LCLAT1: variants seen among roughly 807,000 people sequenced by gnomAD.
LCLAT1 encodes the protein 1-AGP acyltransferase 8.
LCLAT1 carries 11 observed loss-of-function variants against 30.7 expected under a neutral mutation model. The ratio of observed to expected loss-of-function variants is 0.36; its 90% CI spans 0.23 to 0.59. The LOEUF is 0.59. Among genes scored for constraint, LCLAT1 ranks in the 20% least tolerant of loss-of-function variants. The pLI, the probability that LCLAT1 is intolerant of heterozygous loss-of-function variation, is 0.77. For missense variants in LCLAT1, 402 were observed against 458.6 expected, an observed-to-expected ratio of 0.88 and a Z score of 1.13; for synonymous variants, 155 against 151.3, an observed-to-expected ratio of 1.02 and a Z score of -0.18.
chr2:30,629,479 G>C (rs896066674), intron 5 of LCLAT1, among the ~76,000 whole-genome samples: 2 of 152,174 alleles, frequency 1.3e-5, no homozygotes, highest in African/African-American at 4.8e-5. Context: ...AGAATCGCTT[G>C]AACCCGGGAA....
chr2:30,455,019 A>G (rs2148260957), intron 1 of LCLAT1, among the ~76,000 whole-genome samples: 1 of 152,328 alleles, frequency 6.6e-6, no homozygotes, highest in Non-Finnish European at 1.5e-5. Context: ...TTCTTTTGCT[A>G]GGCTACTTGA....
chr2:30,537,936 A>C (rs746084723), intron 3 of LCLAT1, among the ~76,000 whole-genome samples: 2 of 152,196 alleles, frequency 1.3e-5, no homozygotes, highest in Non-Finnish European at 1.5e-5. Context: ...GAAATTTGGA[A>C]ACTGTACCAA....
intron 5 of LCLAT1, among the ~76,000 whole-genome samples, chr2:30,620,574 A>G (rs1668196315): frequency 6.6e-6 from 1 of 152,174 alleles, no homozygotes; most frequent in Admixed American, 6.6e-5. Context: ...GCTATTTATA[A>G]TAGTTGGGTG....
At chr2:30,585,013 A>G (rs1453031172) in intron 5 of LCLAT1, among the ~76,000 whole-genome samples, 1 of 151,662 alleles carries the variant, frequency 6.6e-6, no homozygotes, top group Non-Finnish European at 1.5e-5. Flanking sequence ...AAGGTTTTAT[A>G]TATCAGAGTG....
intron 2 of LCLAT1, among the ~76,000 whole-genome samples, chr2:30,528,476 G>C (rs577884657): frequency 6.6e-6 from 1 of 152,284 alleles, no homozygotes; most frequent in South Asian, 2.1e-4. Flanking sequence ...AGATGAAATA[G>C]GAAATATGAG....
At chr2:30,499,828 T>C (rs926683610) in intron 1 of LCLAT1, among the ~76,000 whole-genome samples, 2 of 152,238 alleles carry the variant, frequency 1.3e-5, no homozygotes, top group African/African-American at 4.8e-5. Context: ...ATAAAGTCTT[T>C]TTTTGGCAGT....
intron 1 of LCLAT1, among the ~76,000 whole-genome samples, chr2:30,493,577 A>G (rs1023003249): frequency 2.0e-5 from 3 of 152,168 alleles, no homozygotes; most frequent in African/African-American, 7.2e-5. Flanking sequence ...ACATCAGTAA[A>G]TGTTAATATG....
chr2:30,602,691 ATCAGC>A (rs1361676493), intron 5 of LCLAT1, among the ~76,000 whole-genome samples: 1 of 152,164 alleles, frequency 6.6e-6, no homozygotes, highest in Non-Finnish European at 1.5e-5. Context: ...CACATTTAAT[ATCAGC>A]TTTTATTTTA....
intron 3 of LCLAT1, among the ~76,000 whole-genome samples, chr2:30,536,961 C>T (rs1023993119): frequency 6.6e-6 from 1 of 152,200 alleles, no homozygotes; most frequent in Non-Finnish European, 1.5e-5. Context: ...CAACTATATG[C>T]TGCCTGCAAG....
At position 30,640,689 on chromosome 2, in the gene LCLAT1, A is replaced by T; in HGVS notation, c.*70A>T. The T allele has an allele frequency of 6.7e-7, 1 of 1,501,622 alleles. No individual in the cohort carries two copies. The highest frequency in any genetic ancestry group is 1.4e-5 in the South Asian group (1 of 72,436). The allele number at this position is 1,501,622 out of a possible 1,614,324, so 93.0% of individuals were successfully genotyped here. ...ATGTTCTAAACCTTTCTAAGCTCAG[A>T]TGCATTTTTGCATGACTATGTCGAA... On this transcript the variant is annotated 3_prime_UTR_variant, in exon 6 of 6. Transcript: ENST00000379509.
At chr2:30,482,676 A>G (rs891284710) in intron 1 of LCLAT1, among the ~76,000 whole-genome samples, 1 of 151,988 alleles carries the variant, frequency 6.6e-6, no homozygotes, top group Non-Finnish European at 1.5e-5. Context: ...ATGTCTGCCA[A>G]TTTAGGCCCA....
intron 5 of LCLAT1, among the ~76,000 whole-genome samples, chr2:30,573,544 T>C (rs1274495448): frequency 6.6e-6 from 1 of 152,138 alleles, no homozygotes; most frequent in East Asian, 1.9e-4. Context: ...AGTTGTACCA[T>C]TTGTTCTAGC....
intron 1 of LCLAT1, among the ~76,000 whole-genome samples, chr2:30,447,681 G>A (rs1681326786): frequency 6.6e-6 from 1 of 152,236 alleles, no homozygotes; most frequent in Non-Finnish European, 1.5e-5. Context: ...TAGCCGCGGG[G>A]CGAAGAGGGT....
At chr2:30,499,125 C>T (rs187006503) in intron 1 of LCLAT1, among the ~76,000 whole-genome samples, 2 of 152,206 alleles carry the variant, frequency 1.3e-5, no homozygotes, top group East Asian at 3.9e-4. Context: ...AAGGAGAGGT[C>T]CTGATAGAGG....
chr2:30,619,045 G>A (rs557669364), intron 5 of LCLAT1, among the ~76,000 whole-genome samples: 29 of 152,230 alleles, frequency 1.9e-4, no homozygotes, highest in African/African-American at 7.0e-4. Flanking sequence ...TTAGACATGA[G>A]GAATTTAGAA....
intron 1 of LCLAT1, among the ~76,000 whole-genome samples, chr2:30,462,139 A>G (rs1433737347): frequency 6.6e-6 from 1 of 152,196 alleles, no homozygotes; most frequent in Non-Finnish European, 1.5e-5. Flanking sequence ...ACTGTAGGAT[A>G]AAACCCATTA....
At chr2:30,547,367 A>G (rs1664471856) in intron 3 of LCLAT1, among the ~76,000 whole-genome samples, 1 of 152,192 alleles carries the variant, frequency 6.6e-6, no homozygotes, top group South Asian at 2.1e-4. Context: ...CCTCTGTGTT[A>G]TTCCACATAT....
chr2:30,569,309 C>A (rs1171885912), intron 5 of LCLAT1, among the ~76,000 whole-genome samples: 1 of 152,146 alleles, frequency 6.6e-6, no homozygotes, highest in Non-Finnish European at 1.5e-5. Context: ...AATTATAGTT[C>A]TGCATATTTG....
chr2:30,474,916 T>C (rs1682974490), intron 1 of LCLAT1, among the ~76,000 whole-genome samples: 1 of 152,094 alleles, frequency 6.6e-6, no homozygotes, highest in Admixed American at 6.6e-5. Flanking sequence ...TCTCTCAAAG[T>C]GCTGGGATTA....
Sources: gnomAD v4.1 joint callset for allele counts (sites outside exome capture counted in the v4.1 genomes callset) on GRCh38, gnomAD v4.1.1 for gene constraint, MANE v1.5 for transcripts, NCBI Gene and HGNC (gene_info 2026-07-23, HGNC 2026-07-21) for gene names.